BLM: variants seen among roughly 807,000 people sequenced by gnomAD.
BLM encodes BLM RecQ like helicase.
Under a neutral mutation model 135.3 loss-of-function variants are expected in BLM, and 95 were observed. The observed-to-expected ratio is 0.70, with a 90% CI of 0.59 to 0.83. The LOEUF (loss-of-function observed/expected upper bound fraction) is 0.83. Ranked by LOEUF, BLM falls within the 40% of genes least tolerant of loss-of-function variation. The probability of loss-of-function intolerance (pLI) is 0.00; values close to 1 mark genes in which losing one functional copy is unlikely to be tolerated. For synonymous variants in BLM, 520 were observed against 589.2 expected (o/e 0.88, Z 1.70); for missense variants, 1,518 against 1,663.9 (o/e 0.91, Z 1.53).
intron 12 of BLM, among the ~76,000 whole-genome samples, chr15:90,774,315 ACC>A (rs1473328381): frequency 6.6e-6 from 1 of 150,876 alleles, no homozygotes; most frequent in African/African-American, 2.4e-5. Context: ...CAGGTGATCC[ACC>A]CATCTCGACC....
At chr15:90,751,009 A>G (rs1452327375) in intron 3 of BLM, among the ~76,000 whole-genome samples, 1 of 152,208 alleles carries the variant, frequency 6.6e-6, no homozygotes, top group Non-Finnish European at 1.5e-5. Context: ...TAATTCCTTT[A>G]TGGCTTGTTG....
At chr15:90,725,124 G>T (rs1244651160) in intron 1 of BLM, among the ~76,000 whole-genome samples, 1 of 152,102 alleles carries the variant, frequency 6.6e-6, no homozygotes, top group Non-Finnish European at 1.5e-5. Flanking sequence ...GTCCAGGATG[G>T]TCTCAAACTC....
At position 90,776,110 on chromosome 15, in the gene BLM, A is replaced by G. The variant is rs549195790; in HGVS notation, c.2555+6524A>G. Among the ~76,000 whole-genome samples, 68 of 152,322 alleles carry G rather than the reference A, an allele frequency of 4.5e-4. 1 individual carries two copies. In the South Asian group the frequency reaches 0.013, roughly 28 times the overall value. ...AAACATGTAGATGGGAATGGAAGGC[A>G]TTTTTTGTAGCTGTAACAATTATTT... On this transcript the variant is annotated intron_variant, in intron 12 of 21. Transcript: ENST00000355112.
intron 12 of BLM, among the ~76,000 whole-genome samples, chr15:90,773,083 G>A (rs1303817117): frequency 8.0e-6 from 1 of 125,634 alleles, no homozygotes; most frequent in Non-Finnish European, 1.6e-5. Context: ...GGCAACAAGA[G>A]CGAGACTGTC....
chr15:90,737,675 A>G (rs376675698), intron 1 of BLM, among the ~76,000 whole-genome samples: 1 of 152,362 alleles, frequency 6.6e-6, no homozygotes, highest in East Asian at 1.9e-4. Context: ...CAGTGAAAGC[A>G]GTACTAGAAA....
At chr15:90,719,182 G>A (rs545353063) in intron 1 of BLM, among the ~76,000 whole-genome samples, 8 of 152,190 alleles carry the variant, frequency 5.3e-5, no homozygotes, top group Middle Eastern at 3.4e-3. Flanking sequence ...TAGTAGAGAC[G>A]GGGTTTCACT....
chr15:90,794,063 C>A, intron 15 of BLM, 104 bp from the exon 16 acceptor site: 1 of 767,070 alleles, frequency 1.3e-6, no homozygotes, highest in Non-Finnish European at 2.0e-6. Flanking sequence ...CAGTAATTTT[C>A]TTATTTAATA....
chr15:90,751,124 A>C (rs1345949100), intron 3 of BLM, among the ~76,000 whole-genome samples: 1 of 152,234 alleles, frequency 6.6e-6, no homozygotes, highest in East Asian at 1.9e-4. Context: ...TAATGTCCAA[A>C]ATTGAGTAAC....
At position 90,803,800 on chromosome 15, in the gene BLM, T is replaced by C. The variant is rs1304352196; in HGVS notation, c.3558+80T>C. ...ATTATTGTGAAGTATAGTGTCTTTG[T>C]CCAAGCTTATAGATACTGAATTTAT... On this transcript the variant is annotated intron_variant, in intron 18 of 21. Transcript: ENST00000355112. 2.2e-6 allele frequency: 3 copies of C among 1,390,878 alleles called. No homozygotes were observed. The East Asian group carries it at 6.9e-5, about 32-fold the overall frequency. The allele number at this position is 1,390,878 out of a possible 1,614,324, so 86.2% of individuals were successfully genotyped here. A position where few individuals can be genotyped will look rare whatever the true frequency, so the allele number is the denominator to read the frequency against.
intron 12 of BLM, among the ~76,000 whole-genome samples, chr15:90,771,719 T>C (rs2151168590): frequency 6.6e-6 from 1 of 152,036 alleles, no homozygotes; most frequent in South Asian, 2.1e-4. Context: ...GAGATTCTTC[T>C]GTCCTCTTAC....
At chr15:90,807,792 G>A (rs763077071) in intron 19 of BLM, among the ~76,000 whole-genome samples, 1 of 152,160 alleles carries the variant, frequency 6.6e-6, no homozygotes, top group Non-Finnish European at 1.5e-5. Context: ...GCTAATCACA[G>A]TATAGTCTTT....
intron 1 of BLM, among the ~76,000 whole-genome samples, chr15:90,733,865 TTTTAA>T (rs1324112648): frequency 6.6e-6 from 1 of 152,226 alleles, no homozygotes; most frequent in Non-Finnish European, 1.5e-5. Context: ...GTTCTAGGAC[TTTTAA>T]TAAATGTTAT....
At position 90,785,077 on chromosome 15, in the gene BLM, G is replaced by C. The variant is rs1162125957; in HGVS notation, c.2819G>C (p.Cys940Ser). 3 of 1,614,036 alleles carry C rather than the reference G, an allele frequency of 1.9e-6. No individual in the cohort carries two copies. The South Asian group carries it at 3.3e-5, about 18-fold the overall frequency. Residue 940 changes from cysteine to serine, a missense_variant, in exon 14 of 22, where the codon TGT (cysteine) becomes TCT (serine). Physicochemically the swap from Cys to Ser is moderately radical, Grantham distance 112 (BLOSUM62 -1). Around this residue, in one of 5 missense-constraint regions of BLM, gnomAD observed 626 missense variants for 681.1 expected, o/e 0.92. Coordinates refer to ENST00000355112, the MANE Select transcript of BLM (RefSeq NM_000057.4). The stretch of plus-strand genomic sequence containing the variant: ...CAGAAGTGGATTAATCAGGATGGCT[G>C]TCAGGTAACATTTTTAAAGATAAAC... ...VQQKWINQDGCQVICATIAFG... is the reference protein window; with the variant it reads ...VQQKWINQDGSQVICATIAFG...
At chr15:90,780,578 C>G (rs796176363) in intron 12 of BLM, among the ~76,000 whole-genome samples, 11 of 152,326 alleles carry the variant, frequency 7.2e-5, no homozygotes, top group African/African-American at 2.6e-4. Context: ...GACAGCCAGC[C>G]CTTCCTATCT....
chr15:90,790,142 G>A (rs916670605), intron 14 of BLM: 4 of 161,164 alleles, frequency 2.5e-5, no homozygotes, highest in African/African-American at 9.7e-5. Flanking sequence ...GTGCTATTGG[G>A]AAAACTGATG....
Position 90,780,378 on chromosome 15 carries a change from C to T in BLM, c.2556-2444C>T, listed in dbSNP as rs147632348. The stretch of plus-strand genomic sequence containing the variant: ...GATTACAGGCGTGAGCCACCGCGCC[C>T]GTCCAGGATGTCTTTTTTCTAATTA... On this transcript the variant is annotated intron_variant, in intron 12 of 21. Transcript: ENST00000355112. Among the ~76,000 whole-genome samples, 728 of 152,260 alleles carry T rather than the reference C, an allele frequency of 4.8e-3. 7 individuals are homozygous for T. Among genetic ancestry groups the T allele is most frequent in the African/African-American group, 0.017 (686 of 41,548 alleles).
At chr15:90,769,676 C>G in intron 12 of BLM, 90 bp downstream of exon 12, 2 of 1,379,496 alleles carry the variant, frequency 1.4e-6, no homozygotes, top group Middle Eastern at 2.4e-4. Context: ...CGCTTTAACG[C>G]CACCACCCCA....
At chr15:90,738,491 T>C (rs1376033663) in intron 1 of BLM, among the ~76,000 whole-genome samples, 1 of 152,050 alleles carries the variant, frequency 6.6e-6, no homozygotes, top group Non-Finnish European at 1.5e-5. Context: ...GGAGGACCAC[T>C]TGAGCCCGGG....
intron 1 of BLM, among the ~76,000 whole-genome samples, chr15:90,736,562 C>T (rs1273740774): frequency 1.3e-5 from 2 of 152,098 alleles, no homozygotes; most frequent in South Asian, 2.1e-4. Context: ...CCCGGCCTTA[C>T]GTTTTCAACA....
Sources: gnomAD v4.1 joint callset for allele counts (sites outside exome capture counted in the v4.1 genomes callset) on GRCh38, gnomAD v4.1.1 for gene constraint, gnomAD v4.1.1 regional missense constraint, MANE v1.5 for transcripts, NCBI Gene and HGNC (gene_info 2026-07-23, HGNC 2026-07-21) for gene names.